The following LRRIQ1 variants were observed in gnomAD, a reference collection of about 807,000 sequenced individuals.
The protein encoded by LRRIQ1 is leucine rich repeats and IQ motif containing 1, also known as leucine-rich repeat- and IQ domain-containing protein 1.
LRRIQ1 carries 210 observed loss-of-function variants against 211.9 expected under a neutral mutation model. The observed-to-expected ratio is 0.99, with a 90% CI of 0.89 to 1.11. LRRIQ1 has a LOEUF of 1.11. Ranked by LOEUF, LRRIQ1 falls within the 50% of genes most tolerant of loss-of-function variation. LRRIQ1 has a pLI of 0.00. For missense variants in LRRIQ1, 2,136 were observed against 1,939.5 expected (o/e 1.10, Z -1.90); for synonymous variants, 699 against 650.1 (o/e 1.08, Z -1.14).
In LRRIQ1 at chr12:85,244,799, T is replaced by G. The variant is rs1895641033; in HGVS notation, c.5027T>G (p.Val1676Gly). ...TTCCATTGCTCCCAGGCAAGACTTG[T>G]AAGCAGAGAAGACACGGATTTAGAC... is the stretch of plus-strand genomic sequence containing the variant. ...GGRVQLVARL[V>G]SREDTDLDLF... Residue 1676 changes from valine (V) to glycine (G), a missense_variant, in exon 27 of 27, where the codon GTA (valine) becomes GGA (glycine). Val to Gly is a moderately radical substitution (Grantham distance 109, BLOSUM62 -3). Transcript: ENST00000393217. 2 of 1,611,244 alleles carry G rather than the reference T, an allele frequency of 1.2e-6. No homozygotes were observed. The highest frequency in any genetic ancestry group is 2.7e-5 in the African/African-American group (2 of 74,830).
At chr12:85,232,788 G>A in intron 26 of LRRIQ1, 32 bp downstream of exon 26, 2 of 1,514,086 alleles carry the variant, frequency 1.3e-6, no homozygotes, top group Non-Finnish European at 1.8e-6. Flanking sequence ...ACAGAAAAAT[G>A]TTGTAGACAC....
rs1352965471 is a variant in LRRIQ1, at chr12:85,106,534, C to T, written c.3296C>T (p.Ala1099Val). 6.2e-7 allele frequency: 1 copy of T among 1,605,186 alleles called. No individual in the cohort carries two copies. Among genetic ancestry groups the T allele is most frequent in the Non-Finnish European group, 8.5e-7 (1 of 1,174,096 alleles). The change falls in exon 15 of 27, where the codon GCC becomes GTC. Residue 1099 changes from alanine (A) to valine (V), a missense_variant. Physicochemically the swap from Ala to Val is moderately conservative, Grantham distance 64. Coordinates refer to ENST00000393217, the MANE Select transcript of LRRIQ1 (RefSeq NM_001079910.2). ...TTATTTTCTGTAGATCTTAAAAGTG[C>T]CATAAAATGGTTTGATGCATGCTAT... ...SHNCLSDLKS[A>V]IKWFDACYSL...
chr12:85,043,991 G>A lies in LRRIQ1; in HGVS notation c.245-727G>A, dbSNP rs540098048. Among the ~76,000 whole-genome samples, 5 of 152,166 alleles carry A rather than the reference G, an allele frequency of 3.3e-5. No homozygotes were observed. In the South Asian group the frequency reaches 1.0e-3, roughly 32 times the overall value. ...AAACTAAATCACTCTCAGAAATCTA[G>A]CTGCAAAGGTATCTGGATGATGTCA... On this transcript the variant is annotated intron_variant, in intron 3 of 26. Transcript: ENST00000393217.
intron 24 of LRRIQ1, among the ~76,000 whole-genome samples, chr12:85,218,195 G>A (rs927602821): frequency 8.6e-5 from 13 of 151,548 alleles, no homozygotes; most frequent in African/African-American, 2.9e-4. Flanking sequence ...TAAAAATATG[G>A]GTTACATATT....
intron 18 of LRRIQ1, among the ~76,000 whole-genome samples, chr12:85,132,903 A>AT (rs1326576893): frequency 1.3e-5 from 2 of 152,168 alleles, no homozygotes; most frequent in African/African-American, 4.8e-5. Flanking sequence ...ACCATGTGAC[A>AT]TGCCAATCAT....
intron 6 of LRRIQ1, among the ~76,000 whole-genome samples, chr12:85,050,735 A>G (rs1174663395): frequency 1.2e-4 from 19 of 152,150 alleles, no homozygotes. Flanking sequence ...ACACTTATCC[A>G]TAGCACTGTC....
intron 15 of LRRIQ1, among the ~76,000 whole-genome samples, chr12:85,117,496 T>C (rs569322632): frequency 6.6e-6 from 1 of 152,216 alleles, no homozygotes; most frequent in South Asian, 2.1e-4. Context: ...TTGTAAGATA[T>C]ATCTATTTCA....
At chr12:85,197,788 C>A (rs1353205418) in intron 24 of LRRIQ1, among the ~76,000 whole-genome samples, 22 of 145,458 alleles carry the variant, frequency 1.5e-4, no homozygotes, top group African/African-American at 4.4e-4. Flanking sequence ...TGTAACTAAC[C>A]TGCACAATGT....
intron 11 of LRRIQ1, among the ~76,000 whole-genome samples, chr12:85,090,918 C>G (rs979982828): frequency 6.6e-6 from 1 of 152,076 alleles, no homozygotes; most frequent in Admixed American, 6.5e-5. Flanking sequence ...CTGCCCGAGT[C>G]TCATGTTGAA....
chr12:85,269,403 C>A (rs1421350499), downstream of LRRIQ1, among the ~76,000 whole-genome samples: 1 of 151,800 alleles, frequency 6.6e-6, no homozygotes, highest in East Asian at 1.9e-4. Flanking sequence ...AAATATGAAG[C>A]GATAACAATC....
rs1895083566 is a variant in LRRIQ1 at position 85,234,398 on chromosome 12, A to G, written c.5016+1642A>G. ...TCCACTATATACAAATAAATAATAT[A>G]CATTACAATGATACATTTTGTTTTC... On this transcript the variant is annotated intron_variant, in intron 26 of 26. Coordinates refer to ENST00000393217, the MANE Select transcript of LRRIQ1 (RefSeq NM_001079910.2). Among the ~76,000 whole-genome samples, 4 of 152,350 alleles carry G rather than the reference A, an allele frequency of 2.6e-5. No homozygotes were observed. In the South Asian group the frequency reaches 8.3e-4, roughly 32 times the overall value.
In LRRIQ1 at chr12:85,160,702, G is replaced by A. The variant is rs1890818410; in HGVS notation, c.4810G>A (p.Gly1604Ser). The A allele has an allele frequency of 6.3e-7, 1 of 1,585,688 alleles. No individual in the cohort carries two copies. Among genetic ancestry groups the A allele is most frequent in the Non-Finnish European group, 8.6e-7 (1 of 1,160,126 alleles). The change falls in exon 24 of 27, where the codon GGT (glycine) becomes AGT (serine). Residue 1604 changes from glycine (G) to serine (S), a missense_variant. By Grantham distance (56) the Gly-to-Ser change is moderately conservative. Coordinates refer to ENST00000393217, the MANE Select transcript of LRRIQ1 (RefSeq NM_001079910.2). Reference protein sequence around the residue: ...SPKMVQPRRDGYFEGIEEDPI... With the variant: ...SPKMVQPRRDSYFEGIEEDPI... ...AAAGATGGTACAGCCCAGAAGAGAT[G>A]GTTACTTTGAAGGTATGGCTTAATA...
chr12:85,257,321 C>A (rs915739936), intron 1 of LRRIQ1, among the ~76,000 whole-genome samples: 1 of 145,888 alleles, frequency 6.9e-6, no homozygotes, highest in Non-Finnish European at 1.5e-5. Flanking sequence ...TATTTGTAGA[C>A]GCTTTGTTGT....
Position 85,170,133 on chromosome 12 carries a change from G to A in LRRIQ1, c.4822+9419G>A, listed in dbSNP as rs115661793. ...CAGGGAATGGCAATCTAAGGTCTGAGAGCAACCTATTCAACTATTTTTTAA... is the reference window on the plus strand; with the variant it reads ...CAGGGAATGGCAATCTAAGGTCTGAAAGCAACCTATTCAACTATTTTTTAA... On this transcript the variant is annotated intron_variant, in intron 24 of 26. Transcript: ENST00000393217. Among the ~76,000 whole-genome samples the A allele has an allele frequency of 7.0e-3, 1,059 of 152,038 alleles. 16 individuals carry two copies. The highest frequency in any genetic ancestry group is 0.024 in the African/African-American group (1,001 of 41,524).
intron 11 of LRRIQ1, among the ~76,000 whole-genome samples, chr12:85,088,374 T>C (rs1592770741): frequency 6.6e-6 from 1 of 152,206 alleles, no homozygotes; most frequent in African/African-American, 2.4e-5. Context: ...TGAAGTCAGG[T>C]AGCATGATGC....
chr12:85,103,351 T>G (rs946977339), intron 13 of LRRIQ1, among the ~76,000 whole-genome samples: 5 of 151,680 alleles, frequency 3.3e-5, no homozygotes, highest in African/African-American at 2.4e-5. Flanking sequence ...TCTATTGAGG[T>G]AAAACATTTT....
At chr12:85,107,724 A>T (rs367861160) in intron 15 of LRRIQ1, among the ~76,000 whole-genome samples, 1 of 151,118 alleles carries the variant, frequency 6.6e-6, no homozygotes, top group African/African-American at 2.4e-5. Flanking sequence ...ATTATTATTT[A>T]TTTCCCTTTC....
chr12:85,059,104 A>G (rs1881481111), intron 8 of LRRIQ1, among the ~76,000 whole-genome samples: 1 of 151,978 alleles, frequency 6.6e-6, no homozygotes, highest in South Asian at 2.1e-4. Context: ...CTACTGATCC[A>G]TGGCTCAGTT....
chr12:85,119,463 A>G (rs1352037398), intron 15 of LRRIQ1, among the ~76,000 whole-genome samples: 1 of 152,204 alleles, frequency 6.6e-6, no homozygotes, highest in Non-Finnish European at 1.5e-5. Flanking sequence ...TAAAGCTGCT[A>G]TAAACATCTG....
Sources: allele counts gnomAD v4.1 joint callset (sites outside exome capture counted in the v4.1 genomes callset), GRCh38; gene constraint gnomAD v4.1.1; transcripts MANE v1.5; gene names NCBI Gene and HGNC (gene_info 2026-07-23, HGNC 2026-07-21).